RYR2: variants seen among roughly 807,000 people sequenced by gnomAD.
The protein encoded by RYR2 is cardiac muscle ryanodine receptor-calcium release channel.
In RYR2, 227 loss-of-function variants were observed where a neutral mutation model predicts 601.1. The observed-to-expected ratio is 0.38, with a 90% confidence interval of 0.34 to 0.42. The LOEUF (loss-of-function observed/expected upper bound fraction) is 0.42, where lower values mean the gene tolerates loss of function less well. RYR2 is among the 10% of genes least tolerant of loss of function. The pLI, the probability that RYR2 is intolerant of heterozygous loss-of-function variation, is 1.00. For synonymous variants in RYR2, 2,223 were observed against 2,175.1 expected (o/e 1.02, Z -0.61); for missense variants, 4,646 against 6,156.5 (o/e 0.75, Z 8.21).
At chr1:237,442,800 AG>A (rs1439249604) in intron 13 of RYR2, among the ~76,000 whole-genome samples, 1 of 152,160 alleles carries the variant, frequency 6.6e-6, no homozygotes, top group Non-Finnish European at 1.5e-5. Context: ...ACTTGCAGCT[AG>A]GTATAAGGCT....
intron 18 of RYR2, among the ~76,000 whole-genome samples, chr1:237,492,467 T>C: frequency 6.6e-6 from 1 of 152,206 alleles, no homozygotes; most frequent in Non-Finnish European, 1.5e-5. Flanking sequence ...TTTAAATAAC[T>C]GAGTCAAATG....
intron 3 of RYR2, among the ~76,000 whole-genome samples, chr1:237,349,603 A>G (rs758396715): frequency 6.6e-6 from 1 of 152,206 alleles, no homozygotes; most frequent in African/African-American, 2.4e-5. Flanking sequence ...TAACGATAAT[A>G]ACTCAAAAGG....
intron 1 of RYR2, among the ~76,000 whole-genome samples, chr1:237,072,745 G>C (rs1369726783): frequency 6.6e-6 from 1 of 152,018 alleles, no homozygotes; most frequent in Non-Finnish European, 1.5e-5. Context: ...TCAGGAGTTC[G>C]AGACCAGCTT....
chr1:237,350,842 C>A (rs1412929726), intron 3 of RYR2, among the ~76,000 whole-genome samples: 4 of 151,562 alleles, frequency 2.6e-5, no homozygotes, highest in African/African-American at 9.7e-5. Context: ...ATAAGACCAT[C>A]CTTCTCACAG....
chr1:237,813,753 T>A (rs1661493868), intron 100 of RYR2, among the ~76,000 whole-genome samples: 1 of 152,218 alleles, frequency 6.6e-6, no homozygotes, highest in Non-Finnish European at 1.5e-5. Flanking sequence ...AGAGCCTAGA[T>A]TTTTTTCAGT....
rs1400871864 is a variant in RYR2 at position 237,700,252 on chromosome 1, A to T, written c.9152A>T (p.Glu3051Val). ...AGGACAGTGATGAAGACTGGCCTGGAGAGTGTTAAAAGTGCACTCAGAGCT... is the reference window on the plus strand; with the variant it reads ...AGGACAGTGATGAAGACTGGCCTGGTGAGTGTTAAAAGTGCACTCAGAGCT... ...DARTVMKTGL[E>V]SVKSALRAFL... Residue 3051 changes from glutamate (E) to valine (V), a missense_variant, in exon 65 of 105, where the codon GAG becomes GTG. Around this residue, in one of 17 missense-constraint regions of RYR2, gnomAD observed 1,497 missense variants for 1,842.6 expected, o/e 0.81. Coordinates refer to ENST00000366574, the MANE Select transcript of RYR2 (RefSeq NM_001035.3). 1 of 1,572,884 alleles carries T rather than the reference A, an allele frequency of 6.4e-7. No homozygotes were observed. The highest frequency in any genetic ancestry group is 1.2e-5 in the South Asian group (1 of 85,726).
chr1:237,049,515 G>A (rs531533127), intron 1 of RYR2, among the ~76,000 whole-genome samples: 13 of 152,232 alleles, frequency 8.5e-5, no homozygotes, highest in South Asian at 4.1e-4. Context: ...TGTCATGTTC[G>A]TAGTCTTAGG....
At position 237,607,145 on chromosome 1, in the gene RYR2, T is replaced by C. The variant is rs1189541289; in HGVS notation, c.4684-3617T>C. On this transcript the variant is annotated intron_variant, in intron 35 of 104. Transcript: ENST00000366574. ...CACACGTATGTTTATTGTGGCATTA[T>C]TTACAATATCAAAGACTTGGAACCA... is the stretch of plus-strand genomic sequence containing the variant. Among the ~76,000 whole-genome samples the C allele has an allele frequency of 2.0e-5, 3 of 152,214 alleles. 1 individual carries two copies. Among genetic ancestry groups the C allele is most frequent in the African/African-American group, 4.8e-5 (2 of 41,448 alleles).
intron 79 of RYR2, among the ~76,000 whole-genome samples, chr1:237,734,284 C>A (rs1690942195): frequency 6.6e-6 from 1 of 152,142 alleles, no homozygotes; most frequent in Non-Finnish European, 1.5e-5. Flanking sequence ...GTACATCTTA[C>A]ATGGCGGCAA....
intron 1 of RYR2, among the ~76,000 whole-genome samples, chr1:237,140,266 A>G (rs951660773): frequency 6.6e-6 from 1 of 152,166 alleles, no homozygotes; most frequent in Non-Finnish European, 1.5e-5. Context: ...TGATGGATTG[A>G]TTTCTGATAT....
intron 49 of RYR2, among the ~76,000 whole-genome samples, chr1:237,648,961 C>T (rs12725455): frequency 0.44 from 66,587 of 151,962 alleles, 16,167 homozygotes; most frequent in Non-Finnish European, 0.55. Context: ...CCAAATTGGC[C>T]TAAACAATTA....
chr1:237,637,751 T>G (rs1681026855), intron 44 of RYR2, among the ~76,000 whole-genome samples: 1 of 152,224 alleles, frequency 6.6e-6, no homozygotes, highest in Non-Finnish European at 1.5e-5. Context: ...TTAGACATGT[T>G]TGCAATTTAT....
chr1:237,107,662 C>T (rs1668888710), intron 1 of RYR2, among the ~76,000 whole-genome samples: 2 of 152,152 alleles, frequency 1.3e-5, no homozygotes, highest in Admixed American at 6.5e-5. Context: ...TGGTGACTTC[C>T]ATCTCCCGTG....
At chr1:237,289,193 A>G (rs1036127631) in intron 2 of RYR2, among the ~76,000 whole-genome samples, 3 of 152,148 alleles carry the variant, frequency 2.0e-5, no homozygotes, top group Non-Finnish European at 4.4e-5. Context: ...CGCTTCCTTC[A>G]GAGGCTCTGT....
At chr1:237,804,469 C>T (rs1245716676) in intron 98 of RYR2, among the ~76,000 whole-genome samples, 2 of 151,912 alleles carry the variant, frequency 1.3e-5, no homozygotes, top group Non-Finnish European at 2.9e-5. Context: ...AGGTGTCCGC[C>T]GCTTCCCCAA....
intron 80 of RYR2, among the ~76,000 whole-genome samples, chr1:237,749,062 G>A (rs558777367): frequency 6.6e-6 from 1 of 152,320 alleles, no homozygotes; most frequent in Admixed American, 6.5e-5. Flanking sequence ...CCTGGAACCA[G>A]TCCCCCACAG....
chr1:237,136,809 A>C (rs571615001), intron 1 of RYR2, among the ~76,000 whole-genome samples: 2 of 152,234 alleles, frequency 1.3e-5, no homozygotes, highest in South Asian at 2.1e-4. Context: ...TGAGGCTAGG[A>C]GTTCAAGACC....
intron 12 of RYR2, among the ~76,000 whole-genome samples, chr1:237,428,771 T>C (rs931466872): frequency 1.5e-5 from 2 of 132,600 alleles, no homozygotes; most frequent in African/African-American, 2.9e-5. Flanking sequence ...AAAAAAAAAA[T>C]ACAAGTCACT....
chr1:237,111,861 T>C (rs1669513798), intron 1 of RYR2, among the ~76,000 whole-genome samples: 1 of 152,154 alleles, frequency 6.6e-6, no homozygotes. Context: ...TGGAGGATTG[T>C]ACCTCTCTGA....
Sources: gnomAD v4.1 joint callset for allele counts (sites outside exome capture counted in the v4.1 genomes callset) on GRCh38, gnomAD v4.1.1 for gene constraint, gnomAD v4.1.1 regional missense constraint, MANE v1.5 for transcripts, NCBI Gene and HGNC (gene_info 2026-07-23, HGNC 2026-07-21) for gene names.